The following PCDHA4 variants were observed in gnomAD, a reference collection of about 807,000 sequenced individuals.
PCDHA4 encodes protocadherin alpha 4.
Under a neutral mutation model 61.4 loss-of-function variants are expected in PCDHA4, and 49 were observed. The ratio of observed to expected loss-of-function variants is 0.80; its 90% CI spans 0.63 to 1.01. The LOEUF is 1.01. Among genes scored for constraint, PCDHA4 ranks in the 50% least tolerant of loss-of-function variants. The probability of loss-of-function intolerance (pLI) is 0.00; values close to 1 mark genes in which losing one functional copy is unlikely to be tolerated. For synonymous variants in PCDHA4, 590 were observed against 550.3 expected, an observed-to-expected ratio of 1.07 and a Z score of -1.01; for missense variants, 1,254 against 1,235.8, an observed-to-expected ratio of 1.01 and a Z score of -0.22.
intron 1 of PCDHA4, chr5:140,849,988 G>A (rs2150461736): frequency 1.8e-5 from 29 of 1,597,364 alleles, no homozygotes; most frequent in African/African-American, 4.0e-5. Flanking sequence ...GTGGAGCGGC[G>A]GTTGGGCGAG....
At chr5:140,809,725 C>A in intron 1 of PCDHA4, 153 bp downstream of exon 1, 3 of 833,130 alleles carry the variant, frequency 3.6e-6, no homozygotes, top group Non-Finnish European at 5.5e-6. Context: ...AATTATAGGA[C>A]ATCAGAGCAA....
chr5:140,886,827 GA>G (rs782016620), intron 1 of PCDHA4, among the ~76,000 whole-genome samples: 1,709 of 60,916 alleles, frequency 0.028, 12 homozygotes, highest in African/African-American at 0.032. Flanking sequence ...ACTTCGTCTT[GA>G]AAAAAAAAAA....
At chr5:140,897,154 T>C (rs530327361) in intron 1 of PCDHA4, among the ~76,000 whole-genome samples, 1 of 152,332 alleles carries the variant, frequency 6.6e-6, no homozygotes, top group African/African-American at 2.4e-5. Context: ...TTAACCATTC[T>C]TCTACTGTCT....
At chr5:140,866,566 A>C (rs1554160398) in intron 1 of PCDHA4, 1 of 152,154 alleles carries the variant, frequency 6.6e-6, no homozygotes, top group Non-Finnish European at 1.5e-5. Context: ...TAATTTTGTT[A>C]ATACAGTGGT....
chr5:140,884,479 C>A (rs1554181619), intron 1 of PCDHA4: 2 of 1,613,914 alleles, frequency 1.2e-6, no homozygotes, highest in African/African-American at 1.3e-5. Flanking sequence ...CGGGCAAGCC[C>A]ACTCTAGTGT....
chr5:140,967,747 A>C, intron 1 of PCDHA4: 1 of 1,614,160 alleles, frequency 6.2e-7, no homozygotes, highest in Non-Finnish European at 8.5e-7. Context: ...ATTATGAGGA[A>C]GCCTCCTCCT....
chr5:140,877,285 G>T lies in PCDHA4; in HGVS notation c.2385+67713G>T, dbSNP rs76220347. 4.6e-3 allele frequency: 7,403 copies of T among 1,613,898 alleles called. 23 individuals carry two copies. Among genetic ancestry groups the T allele is most frequent in the Middle Eastern group, 7.1e-3 (43 of 6,038 alleles). ...GGTGGACGCTGACTCCGGCTATAAC[G>T]CTTGGCTGTCCTACGAGTTGCAACC... On this transcript the variant is annotated intron_variant, in intron 1 of 3. Coordinates refer to ENST00000530339, the MANE Select transcript of PCDHA4 (RefSeq NM_018907.4).
intron 1 of PCDHA4, among the ~76,000 whole-genome samples, chr5:140,950,992 G>A (rs2094539287): frequency 6.6e-6 from 1 of 151,384 alleles, no homozygotes; most frequent in Admixed American, 6.6e-5. Flanking sequence ...GCCTCTTTTA[G>A]CTCCATTTTT....
At chr5:140,811,841 A>T (rs1300716407) in intron 1 of PCDHA4, 6 of 152,020 alleles carry the variant, frequency 3.9e-5, no homozygotes, top group African/African-American at 1.4e-4. Flanking sequence ...ACTTTTTGAT[A>T]GGGTTTTTTG....
intron 1 of PCDHA4, among the ~76,000 whole-genome samples, chr5:140,973,394 A>C (rs1263015635): frequency 6.6e-6 from 1 of 152,244 alleles, no homozygotes; most frequent in African/African-American, 2.4e-5. Flanking sequence ...CAAAGAAATC[A>C]TATCTATGAG....
At chr5:140,823,109 C>G in intron 1 of PCDHA4, 1 of 1,614,038 alleles carries the variant, frequency 6.2e-7, no homozygotes, top group Non-Finnish European at 8.5e-7. Flanking sequence ...GTGGAAGTGG[C>G]CGACGTGAAC....
chr5:140,845,510 C>A (rs1779902484), intron 1 of PCDHA4, among the ~76,000 whole-genome samples: 3 of 149,534 alleles, frequency 2.0e-5, no homozygotes, highest in African/African-American at 7.3e-5. Context: ...AAACCTATTT[C>A]TTGTACATTA....
chr5:140,956,130 AC>A (rs1328169081), intron 1 of PCDHA4, among the ~76,000 whole-genome samples: 3 of 152,088 alleles, frequency 2.0e-5, no homozygotes. Context: ...CTATTTGAAT[AC>A]CCTTTATTTC....
rs529079699 is a variant in PCDHA4, at chr5:140,984,687, T to C, written c.2533+2124T>C. ...TTAGGTTTTTAGGACTCAATATATGTTCTGCACTGCTTGGAGGGAATATGG... is the reference window on the plus strand; with the variant it reads ...TTAGGTTTTTAGGACTCAATATATGCTCTGCACTGCTTGGAGGGAATATGG... On this transcript the variant is annotated intron_variant, in intron 3 of 3. Transcript: ENST00000530339. Among the ~76,000 whole-genome samples the C allele has an allele frequency of 2.0e-5, 3 of 152,332 alleles. No individual in the cohort carries two copies. The East Asian group carries it at 5.8e-4, about 29-fold the overall frequency.
chr5:140,861,529 A>G, intron 1 of PCDHA4: 1 of 450,984 alleles, frequency 2.2e-6, no homozygotes, highest in Non-Finnish European at 4.6e-6. Flanking sequence ...AGGATCTCGG[A>G]GTGCAGCATC....
rs542701193 is a variant in PCDHA4 at position 140,931,976 on chromosome 5, A to G, written c.2386-46973A>G. 2.6e-5 allele frequency among the ~76,000 whole-genome samples: 4 copies of G among 152,074 alleles called. No homozygotes were observed. In the East Asian group the frequency reaches 7.7e-4, roughly 29 times the overall value. On this transcript the variant is annotated intron_variant, in intron 1 of 3. Coordinates refer to ENST00000530339, the MANE Select transcript of PCDHA4 (RefSeq NM_018907.4). ...GAATCATGTTGATGCATATGTGTTTATATTTTGCTCAAATTCTAAGTTCTT... is the reference window on the plus strand; with the variant it reads ...GAATCATGTTGATGCATATGTGTTTGTATTTTGCTCAAATTCTAAGTTCTT...
chr5:140,818,173 A>G (rs1766295678), intron 1 of PCDHA4, among the ~76,000 whole-genome samples: 1 of 152,154 alleles, frequency 6.6e-6, no homozygotes, highest in Non-Finnish European at 1.5e-5. Context: ...ATTTTCTCTT[A>G]TATTCTTCTG....
intron 1 of PCDHA4, chr5:140,877,371 G>T: frequency 6.2e-7 from 1 of 1,613,994 alleles, no homozygotes; most frequent in Non-Finnish European, 8.5e-7. Flanking sequence ...AGATCAGCAC[G>T]ACACGCATCC....
At chr5:140,959,751 T>C (rs553950058) in intron 1 of PCDHA4, among the ~76,000 whole-genome samples, 12 of 152,210 alleles carry the variant, frequency 7.9e-5, no homozygotes, top group Non-Finnish European at 1.8e-4. Flanking sequence ...CCTTAAAGTA[T>C]ATTTTAATAT....
Sources: allele counts gnomAD v4.1 joint callset (sites outside exome capture counted in the v4.1 genomes callset), GRCh38; gene constraint gnomAD v4.1.1; transcripts MANE v1.5; gene names NCBI Gene and HGNC (gene_info 2026-07-23, HGNC 2026-07-21).